The following MYLK4 variants were observed in gnomAD, a reference collection of about 807,000 sequenced individuals.
MYLK4 encodes the protein caMLCK like.
A neutral mutation model predicts 48.1 loss-of-function variants in MYLK4; 46 were observed. That is an observed-to-expected ratio of 0.96 (90% CI 0.75 to 1.22). MYLK4 has a LOEUF of 1.22. Among genes scored for constraint, MYLK4 ranks in the 50% most tolerant of loss-of-function variants. The pLI is 0.00. For synonymous variants in MYLK4, 170 were observed against 180.8 expected, an observed-to-expected ratio of 0.94 and a Z score of 0.48; for missense variants, 451 against 486.1, an observed-to-expected ratio of 0.93 and a Z score of 0.68.
At chr6:2,763,674 G>A in the MYLK4 span, among the ~76,000 whole-genome samples, 19,399 of 152,302 alleles carry the variant, frequency 0.13, 1,602 homozygotes, top group East Asian at 0.32. Flanking sequence ...ACAAGCTGAG[G>A]GAGCCAGCTC....
At chr6:2,669,245 C>T (rs531537522) in intron 12 of MYLK4, among the ~76,000 whole-genome samples, 1 of 152,326 alleles carries the variant, frequency 6.6e-6, no homozygotes, top group Admixed American at 6.5e-5. Context: ...AGCAGCCCTC[C>T]TCAAGCAGTT....
At chr6:2,700,849 C>T (rs1198800979) in intron 2 of MYLK4, among the ~76,000 whole-genome samples, 1 of 152,180 alleles carries the variant, frequency 6.6e-6, no homozygotes, top group Non-Finnish European at 1.5e-5. Flanking sequence ...AGGACTCAGG[C>T]TGAGGTGGAG....
chr6:2,753,494 A>G (rs547244954), upstream of MYLK4, among the ~76,000 whole-genome samples: 1 of 152,344 alleles, frequency 6.6e-6, no homozygotes, highest in South Asian at 2.1e-4. Flanking sequence ...AATACGACCC[A>G]TAAAAACGAA....
rs761683196 is a variant in MYLK4, at chr6:2,749,340, G to C, written c.-46C>G. The stretch of plus-strand genomic sequence containing the variant: ...AGCTACTTTCTGGAGTGTGGTTTTC[G>C]TCTCCCTCTGTCTCCGATTTATAAA... On this transcript the variant is annotated 5_prime_UTR_variant, in exon 2 of 13. Transcript: ENST00000274643. 1.4e-6 allele frequency: 2 copies of C among 1,435,722 alleles called. No individual in the cohort carries two copies. The highest frequency in any genetic ancestry group is 4.6e-5 in the East Asian group (2 of 43,828). 88.9% of individuals were successfully genotyped at this position (1,435,722 alleles called of 1,614,324 possible).
intron 1 of MYLK4, among the ~76,000 whole-genome samples, chr6:2,750,494 A>G (rs902330965): frequency 6.6e-6 from 1 of 152,236 alleles, no homozygotes; most frequent in African/African-American, 2.4e-5. Flanking sequence ...ATGCATGGCT[A>G]TTTCTAAGGC....
chr6:2,759,101 G>C, the MYLK4 span, among the ~76,000 whole-genome samples: 1 of 152,234 alleles, frequency 6.6e-6, no homozygotes, highest in South Asian at 2.1e-4. Flanking sequence ...TCTTACTAAA[G>C]AGTTGAAGGG....
chr6:2,680,462 G>T, intron 7 of MYLK4, 171 bp from the exon 8 acceptor site: 2 of 985,408 alleles, frequency 2.0e-6, no homozygotes, highest in Non-Finnish European at 2.4e-6. Context: ...TGGTGGATGA[G>T]GTTGCGGGTA....
chr6:2,683,747 C>T (rs1761418713), intron 6 of MYLK4, among the ~76,000 whole-genome samples: 1 of 152,124 alleles, frequency 6.6e-6, no homozygotes, highest in African/African-American at 2.4e-5. Context: ...GTGTCTTCAG[C>T]TCTGGGGTGA....
intron 2 of MYLK4, among the ~76,000 whole-genome samples, chr6:2,725,426 G>C (rs941543675): frequency 6.6e-6 from 1 of 151,974 alleles, no homozygotes; most frequent in African/African-American, 2.4e-5. Flanking sequence ...TGATTGCAAT[G>C]ATTGCACTAC....
intron 12 of MYLK4, among the ~76,000 whole-genome samples, chr6:2,668,176 T>C (rs1027334814): frequency 6.6e-6 from 1 of 152,130 alleles, no homozygotes; most frequent in Non-Finnish European, 1.5e-5. Flanking sequence ...CATGGGGACA[T>C]GTGTGCAAGA....
At chr6:2,767,906 C>T in the MYLK4 span, among the ~76,000 whole-genome samples, 1 of 152,166 alleles carries the variant, frequency 6.6e-6, no homozygotes, top group Non-Finnish European at 1.5e-5. Context: ...AAGAAGCAGC[C>T]ACAGAATGGG....
rs143967581 is a variant in MYLK4, at chr6:2,686,769, A to G, written c.342-1193T>C. ...GGAGAATGACACAGGATTACCATAA[A>G]CGTAGCCACGGCGTGACTTCAATTC... On this transcript the variant is annotated intron_variant, in intron 4 of 12. Coordinates refer to ENST00000274643, the MANE Select transcript of MYLK4 (RefSeq NM_001012418.5). 2.4e-3 allele frequency among the ~76,000 whole-genome samples: 365 copies of G among 152,270 alleles called. 2 individuals carry two copies. Among genetic ancestry groups the G allele is most frequent in the African/African-American group, 7.0e-3 (290 of 41,554 alleles).
intron 2 of MYLK4, among the ~76,000 whole-genome samples, chr6:2,707,150 C>T (rs1307309304): frequency 6.6e-6 from 1 of 152,166 alleles, no homozygotes; most frequent in Non-Finnish European, 1.5e-5. Flanking sequence ...ACTCCATACT[C>T]AGGTCCTAAG....
intron 8 of MYLK4, 95 bp from the exon 9 acceptor site, chr6:2,679,503 C>T (rs1344249932): frequency 6.9e-7 from 1 of 1,448,566 alleles, no homozygotes; most frequent in Non-Finnish European, 9.7e-7. Context: ...TGACTTCAGC[C>T]ATACAGCAAA....
intron 2 of MYLK4, among the ~76,000 whole-genome samples, chr6:2,697,480 C>T (rs142765969): frequency 4.3e-4 from 65 of 152,344 alleles, no homozygotes; most frequent in African/African-American, 1.5e-3. Context: ...AACAGCAGGG[C>T]GGCATCGGTC....
At chr6:2,765,946 C>A in the MYLK4 span, 1 of 1,440,454 alleles carries the variant, frequency 6.9e-7, no homozygotes, top group South Asian at 1.4e-5. Flanking sequence ...CCGAGAGCCG[C>A]GAGAGCTACG....
chr6:2,728,028 C>T (rs1763343476), intron 2 of MYLK4, among the ~76,000 whole-genome samples: 2 of 151,832 alleles, frequency 1.3e-5, no homozygotes, highest in East Asian at 3.9e-4. Flanking sequence ...ATGCTCACCT[C>T]AACCTTGTAT....
chr6:2,709,829 T>G lies in MYLK4; in HGVS notation c.160-16970A>C, dbSNP rs151057618. Reference sequence around the variant, plus strand: ...AATGATGGTTTAATTCACCAAACTTTAAGAGTAGGTGTTGGGAGGTGCTAG... The same window carrying G: ...AATGATGGTTTAATTCACCAAACTTGAAGAGTAGGTGTTGGGAGGTGCTAG... On this transcript the variant is annotated intron_variant, in intron 2 of 12. Transcript: ENST00000274643. 5.3e-4 allele frequency among the ~76,000 whole-genome samples: 81 copies of G among 152,334 alleles called. No homozygotes were observed. In the East Asian group the frequency reaches 0.015, roughly 28 times the overall value.
intron 12 of MYLK4, among the ~76,000 whole-genome samples, chr6:2,669,978 A>G (rs1212166333): frequency 6.6e-6 from 1 of 152,138 alleles, no homozygotes; most frequent in Non-Finnish European, 1.5e-5. Flanking sequence ...ACCCCATCTT[A>G]TTCCACAAAA....
Sources: allele counts gnomAD v4.1 joint callset (sites outside exome capture counted in the v4.1 genomes callset), GRCh38; gene constraint gnomAD v4.1.1; transcripts MANE v1.5; gene names NCBI Gene and HGNC (gene_info 2026-07-23, HGNC 2026-07-21).